Variants in RGPD2 observed in about 807,000 individuals in gnomAD.
RGPD2 encodes RANBP2 like and GRIP domain containing 2.
Under a neutral mutation model 36.0 loss-of-function variants are expected in RGPD2, and 2 were observed. The observed-to-expected ratio is 0.06, with a 90% confidence interval of 0.02 to 0.17. RGPD2 has a LOEUF of 0.17. RGPD2 is among the 10% of genes least tolerant of loss of function. The pLI is 1.00. For synonymous variants in RGPD2, 19 were observed against 163.8 expected, an observed-to-expected ratio of 0.12 and a Z score of 6.75; for missense variants, 40 against 464.3, an observed-to-expected ratio of 0.09 and a Z score of 8.40.
At chr2:87,853,316 A>G in the RGPD2 span, among the ~76,000 whole-genome samples, 9,763 of 118,968 alleles carry the variant, frequency 0.082, no homozygotes, top group Non-Finnish European at 0.1. Context: ...TGGAACTCTC[A>G]CGCTCAACTG....
chr2:87,855,178 C>T, the RGPD2 span, among the ~76,000 whole-genome samples: 2 of 151,934 alleles, frequency 1.3e-5, no homozygotes, highest in African/African-American at 4.8e-5. Flanking sequence ...ACCATTATCT[C>T]CACATTTCCC....
the RGPD2 span, among the ~76,000 whole-genome samples, chr2:87,889,357 A>AT: frequency 3.6e-5 from 1 of 27,780 alleles, no homozygotes; most frequent in African/African-American, 1.4e-4. Context: ...TTTTTAAAAA[A>AT]AGTTTATTTC....
At chr2:87,924,525 C>G in the RGPD2 span, among the ~76,000 whole-genome samples, 1 of 152,356 alleles carries the variant, frequency 6.6e-6, no homozygotes, top group South Asian at 2.1e-4. Context: ...CACTTTTTTT[C>G]TAGGAGAAGA....
the RGPD2 span, among the ~76,000 whole-genome samples, chr2:87,984,803 G>A: frequency 2.4e-4 from 36 of 151,716 alleles, no homozygotes; most frequent in African/African-American, 4.4e-4. Flanking sequence ...GGTGGCGGGC[G>A]CCTGTAGTCC....
chr2:87,964,555 A>G, the RGPD2 span, among the ~76,000 whole-genome samples: 1 of 150,714 alleles, frequency 6.6e-6, no homozygotes, highest in Non-Finnish European at 1.5e-5. Context: ...CTTTTTTGAG[A>G]CAGAGTCTCA....
the RGPD2 span, among the ~76,000 whole-genome samples, chr2:87,846,688 T>C: frequency 6.6e-6 from 1 of 151,824 alleles, no homozygotes; most frequent in Admixed American, 6.6e-5. Context: ...CATGGAGAAA[T>C]ACCTTCCTTC....
At chr2:87,910,597 C>T in the RGPD2 span, among the ~76,000 whole-genome samples, 5 of 152,286 alleles carry the variant, frequency 3.3e-5, no homozygotes, top group East Asian at 9.6e-4. Flanking sequence ...TCCTCTCATT[C>T]TCTGTATCCA....
At chr2:87,982,929 T>C in the RGPD2 span, among the ~76,000 whole-genome samples, 1 of 76,168 alleles carries the variant, frequency 1.3e-5, no homozygotes, top group Admixed American at 1.5e-4. Context: ...TGCTTTTTCA[T>C]AATGTAGAAA....
At chr2:87,943,730 AG>A in the RGPD2 span, among the ~76,000 whole-genome samples, 3 of 151,606 alleles carry the variant, frequency 2.0e-5, no homozygotes, top group Non-Finnish European at 2.9e-5. Flanking sequence ...AATGTCGTGG[AG>A]CTTTCCCTCT....
chr2:87,930,577 C>T, the RGPD2 span, among the ~76,000 whole-genome samples: 1 of 151,686 alleles, frequency 6.6e-6, no homozygotes, highest in Admixed American at 6.6e-5. Flanking sequence ...TGTTGCTGGT[C>T]TCATACAATG....
the RGPD2 span, among the ~76,000 whole-genome samples, chr2:87,928,899 GT>G: frequency 9.3e-5 from 14 of 150,564 alleles, no homozygotes; most frequent in Middle Eastern, 3.4e-3. Flanking sequence ...AATGAGGTGG[GT>G]TTTTTTTTCT....
chr2:87,920,435 A>C, the RGPD2 span, among the ~76,000 whole-genome samples: 1 of 150,546 alleles, frequency 6.6e-6, no homozygotes, highest in Non-Finnish European at 1.5e-5. Context: ...GTAGTAATGT[A>C]GAAGACCTAA....
intron 21 of RGPD2, among the ~76,000 whole-genome samples, chr2:87,772,631 A>G (rs1231008694): frequency 1.8e-5 from 1 of 54,612 alleles, no homozygotes; most frequent in Non-Finnish European, 3.6e-5. Flanking sequence ...TAGAAAGTGG[A>G]TTGCTGCATA....
At chr2:87,861,739 A>G in the RGPD2 span, among the ~76,000 whole-genome samples, 1 of 148,116 alleles carries the variant, frequency 6.8e-6, no homozygotes, top group African/African-American at 2.5e-5. Flanking sequence ...TATAGCTACC[A>G]TCTTTGCTTA....
the RGPD2 span, among the ~76,000 whole-genome samples, chr2:87,875,570 C>T: frequency 5.9e-5 from 9 of 152,228 alleles, no homozygotes; most frequent in East Asian, 5.8e-4. Context: ...AACTGGATCA[C>T]GATGGATAAG....
chr2:87,868,892 T>C, the RGPD2 span, among the ~76,000 whole-genome samples: 282 of 152,002 alleles, frequency 1.9e-3, no homozygotes, highest in African/African-American at 6.5e-3. Context: ...ACCTCAAATA[T>C]TGTATTCACT....
chr2:87,986,223 C>A, the RGPD2 span, among the ~76,000 whole-genome samples: 1 of 149,848 alleles, frequency 6.7e-6, no homozygotes, highest in Non-Finnish European at 1.5e-5. Flanking sequence ...GCAACTTCTG[C>A]CTCCTGAGTT....
the RGPD2 span, among the ~76,000 whole-genome samples, chr2:87,864,182 T>C: frequency 6.6e-6 from 1 of 150,758 alleles, no homozygotes; most frequent in Admixed American, 6.6e-5. Context: ...ACTGAGTAAA[T>C]GTAAATGCCC....
the RGPD2 span, among the ~76,000 whole-genome samples, chr2:87,986,325 A>G: frequency 6.7e-6 from 1 of 148,414 alleles, no homozygotes; most frequent in Non-Finnish European, 1.5e-5. Flanking sequence ...AGTAGAGACC[A>G]TGTTTCACCA....
Sources: gnomAD v4.1 joint callset for allele counts (sites outside exome capture counted in the v4.1 genomes callset) on GRCh38, gnomAD v4.1.1 for gene constraint, MANE v1.5 for transcripts, NCBI Gene and HGNC (gene_info 2026-07-23, HGNC 2026-07-21) for gene names.